KIAA1217: variants seen among roughly 807,000 people sequenced by gnomAD.
KIAA1217 encodes KIAA1217.
Under a neutral mutation model 163.9 loss-of-function variants are expected in KIAA1217, and 88 were observed. That is an observed-to-expected ratio of 0.54 (90% CI 0.45 to 0.64). KIAA1217 has a LOEUF of 0.64. Among genes scored for constraint, KIAA1217 ranks in the 30% least tolerant of loss-of-function variants. The pLI is 0.00. For missense variants in KIAA1217, 2,372 were observed against 2,475.0 expected (o/e 0.96, Z 0.88); for synonymous variants, 903 against 923.1 (o/e 0.98, Z 0.39).
In KIAA1217 at chr10:24,096,618, C is replaced by T. The variant is rs529684861; in HGVS notation, c.-171+89244C>T. The stretch of plus-strand genomic sequence containing the variant: ...CACCTTTATCCTCTGTGTACTTCCC[C>T]ATCTCCCTCTGTCTCCTTCCAGACC... On this transcript the variant is annotated intron_variant, in intron 2 of 18. Coordinates refer to the KIAA1217 transcript ENST00000376462. Among the ~76,000 whole-genome samples, 9 of 152,258 alleles carry T rather than the reference C, an allele frequency of 5.9e-5. No individual in the cohort carries two copies. In the South Asian group the frequency reaches 1.9e-3, roughly 32 times the overall value.
At position 24,543,362 on chromosome 10, in the gene KIAA1217, G is replaced by T; in HGVS notation, c.4092G>T (p.Glu1364Asp). 7 of 1,614,154 alleles carry T rather than the reference G, an allele frequency of 4.3e-6. No homozygotes were observed. In the Middle Eastern group the frequency reaches 4.9e-4, roughly 114 times the overall value. Residue 1364 changes from glutamate (E) to aspartate (D), a missense_variant, in exon 19 of 21, where the codon GAG becomes GAT. Around this residue, in one of 3 missense-constraint regions of KIAA1217, gnomAD observed 251 missense variants for 327.3 expected, o/e 0.77. Transcript: ENST00000376454. ...GGCATGCTAACGTGAACCCTAATGA[G>T]GATGGAGAATCAAGTTCAAGTTCTC... ...EARHANVNPN[E>D]DGESSSSSPT...
chr10:24,074,776 G>A (rs2061314685), intron 2 of KIAA1217, among the ~76,000 whole-genome samples: 2 of 144,524 alleles, frequency 1.4e-5, no homozygotes, highest in South Asian at 2.2e-4. Context: ...TGCACACTCA[G>A]TGCAGCCTTT....
chr10:24,199,869 A>T lies in KIAA1217; in HGVS notation c.-170-19757A>T, dbSNP rs11013952. On this transcript the variant is annotated intron_variant, in intron 2 of 18. Coordinates refer to the KIAA1217 transcript ENST00000376462. ...CCTTGGGTTATTATTTATATTTGGA[A>T]GTAAGGAAAAACAGGAAATGGCTTT... Among the ~76,000 whole-genome samples, 1,197 of 134,112 alleles carry T rather than the reference A, an allele frequency of 8.9e-3. 11 individuals are homozygous for T. Among genetic ancestry groups the T allele is most frequent in the East Asian group, 0.056 (288 of 5,108 alleles). 88.0% of individuals were successfully genotyped at this position (134,112 alleles called of 152,430 possible).
At chr10:23,733,793 A>C (rs977704450) in intron 1 of KIAA1217, among the ~76,000 whole-genome samples, 1 of 152,148 alleles carries the variant, frequency 6.6e-6, no homozygotes, top group African/African-American at 2.4e-5. Context: ...GATTATTAAA[A>C]ATGTGTTAAT....
chr10:24,180,740 T>C (rs761554676), intron 2 of KIAA1217, among the ~76,000 whole-genome samples: 1 of 152,196 alleles, frequency 6.6e-6, no homozygotes, highest in Non-Finnish European at 1.5e-5. Flanking sequence ...AATCTGTCAT[T>C]TAGTCCTGTG....
At chr10:24,315,819 A>G (rs2043279762) in intron 2 of KIAA1217, among the ~76,000 whole-genome samples, 1 of 151,982 alleles carries the variant, frequency 6.6e-6, no homozygotes, top group African/African-American at 2.4e-5. Flanking sequence ...ATTTGTTGCC[A>G]GAATGGGAAT....
intron 1 of KIAA1217, among the ~76,000 whole-genome samples, chr10:24,006,736 A>ACCATGC (rs1564605474): frequency 6.6e-6 from 1 of 152,164 alleles, no homozygotes; most frequent in African/African-American, 2.4e-5. Flanking sequence ...CATGACCATG[A>ACCATGC]CCATGTCTTG....
At chr10:24,181,637 C>A (rs180826196) in intron 2 of KIAA1217, among the ~76,000 whole-genome samples, 1 of 152,026 alleles carries the variant, frequency 6.6e-6, no homozygotes, top group African/African-American at 2.4e-5. Flanking sequence ...AAGAATGTAC[C>A]TGGAAAAATA....
At chr10:24,430,984 A>G (rs535392107) in intron 3 of KIAA1217, among the ~76,000 whole-genome samples, 1 of 152,172 alleles carries the variant, frequency 6.6e-6, no homozygotes, top group African/African-American at 2.4e-5. Flanking sequence ...CTCACTATGC[A>G]TTTCTACCTT....
At chr10:24,119,825 T>C (rs2063208469) in intron 2 of KIAA1217, among the ~76,000 whole-genome samples, 1 of 152,208 alleles carries the variant, frequency 6.6e-6, no homozygotes, top group Non-Finnish European at 1.5e-5. Context: ...ATGTGCTGTC[T>C]GGCCAATGTC....
intron 6 of KIAA1217, among the ~76,000 whole-genome samples, chr10:24,485,604 C>T (rs2065290117): frequency 6.6e-6 from 1 of 152,200 alleles, no homozygotes. Context: ...GTGCTTTTAC[C>T]ACCATATCCC....
intron 1 of KIAA1217, among the ~76,000 whole-genome samples, chr10:23,766,632 A>G (rs1834539886): frequency 7.3e-6 from 1 of 136,514 alleles, no homozygotes; most frequent in Non-Finnish European, 1.5e-5. Context: ...TCTGTGACTC[A>G]GGCTGGAGTG....
At chr10:24,379,867 C>A (rs540178235) in intron 2 of KIAA1217, among the ~76,000 whole-genome samples, 3 of 151,936 alleles carry the variant, frequency 2.0e-5, no homozygotes, top group African/African-American at 7.3e-5. Context: ...CCCTAGCCAA[C>A]GTGGCAAAAC....
chr10:23,849,700 ACTT>A (rs1839211087), intron 1 of KIAA1217, among the ~76,000 whole-genome samples: 1 of 152,116 alleles, frequency 6.6e-6, no homozygotes, highest in South Asian at 2.1e-4. Context: ...TAAAAATAAA[ACTT>A]AAAAAAAAGA....
chr10:24,496,582 T>C (rs1182728900), intron 8 of KIAA1217, among the ~76,000 whole-genome samples: 2 of 152,212 alleles, frequency 1.3e-5, no homozygotes, highest in Non-Finnish European at 2.9e-5. Flanking sequence ...AGAATAAATA[T>C]GTAGTGAGTG....
chr10:23,764,442 T>C (rs1189305947), intron 1 of KIAA1217, among the ~76,000 whole-genome samples: 4 of 152,188 alleles, frequency 2.6e-5, no homozygotes, highest in Non-Finnish European at 5.9e-5. Context: ...ATCCCATTAC[T>C]GGATATGTAC....
rs937702056 is a variant in KIAA1217, at chr10:24,260,723, C to A, written c.354+40814C>A. On this transcript the variant is annotated intron_variant, in intron 2 of 20. Coordinates refer to ENST00000376454, the MANE Select transcript of KIAA1217 (RefSeq NM_019590.5). Reference sequence around the variant, plus strand: ...TTGAGCCACTGCCCTCCAGCCTGGGCAACAGAATGAGATCATCTCTTAAAA... The same window carrying A: ...TTGAGCCACTGCCCTCCAGCCTGGGAAACAGAATGAGATCATCTCTTAAAA... Among the ~76,000 whole-genome samples, 9 of 151,186 alleles carry A rather than the reference C, an allele frequency of 6.0e-5. No individual in the cohort carries two copies. In the East Asian group the frequency reaches 1.8e-3, roughly 30 times the overall value.
At chr10:24,504,949 T>C (rs1592490743) in intron 9 of KIAA1217, among the ~76,000 whole-genome samples, 1 of 152,300 alleles carries the variant, frequency 6.6e-6, no homozygotes, top group African/African-American at 2.4e-5. Flanking sequence ...ACAGGAGTTA[T>C]CGGTCTAAGA....
At chr10:24,283,310 A>G (rs1463856587) in intron 2 of KIAA1217, among the ~76,000 whole-genome samples, 1 of 152,202 alleles carries the variant, frequency 6.6e-6, no homozygotes, top group Non-Finnish European at 1.5e-5. Flanking sequence ...TCCACTTGGC[A>G]ATATGCATTT....
Sources: allele counts gnomAD v4.1 joint callset (sites outside exome capture counted in the v4.1 genomes callset), GRCh38; gene constraint gnomAD v4.1.1; regional missense constraint gnomAD v4.1.1; transcripts MANE v1.5; gene names NCBI Gene and HGNC (gene_info 2026-07-23, HGNC 2026-07-21).